LONRF2: variants seen among roughly 807,000 people sequenced by gnomAD.
LONRF2 encodes the protein LON peptidase N-terminal domain and ring finger 2, also known as LON peptidase N-terminal domain and RING finger protein 2.
A neutral mutation model predicts 66.6 loss-of-function variants in LONRF2; 35 were observed. The observed-to-expected ratio is 0.53, with a 90% confidence interval of 0.40 to 0.70. LONRF2 has a LOEUF of 0.70. Among genes scored for constraint, LONRF2 ranks in the 30% least tolerant of loss-of-function variants. The pLI is 0.00. For missense variants in LONRF2, 902 were observed against 1,002.1 expected (o/e 0.90, Z 1.35); for synonymous variants, 417 against 418.1 (o/e 1.00, Z 0.03).
intron 2 of LONRF2, among the ~76,000 whole-genome samples, chr2:100,306,498 G>C (rs1346352408): frequency 6.6e-6 from 1 of 152,128 alleles, no homozygotes; most frequent in Non-Finnish European, 1.5e-5. Flanking sequence ...AGTCTTATAA[G>C]TTCGCTGTTT....
At position 100,284,177 on chromosome 2, in the gene LONRF2, G is replaced by A. The variant is rs1043192778; in HGVS notation, c.*121C>T. On this transcript the variant is annotated 3_prime_UTR_variant, in exon 12 of 12. Transcript: ENST00000393437. ...GAGGAGGACTCAATGTTTGGCAAGC[G>A]TCCCATTTTGGAACCTCATCCACAA... 29 of 860,812 alleles carry A rather than the reference G, an allele frequency of 3.4e-5. No homozygotes were observed. The highest frequency in any genetic ancestry group is 1.4e-4 in the African/African-American group (8 of 57,598). 53.3% of individuals were successfully genotyped at this position (860,812 alleles called of 1,614,324 possible). A position where few individuals can be genotyped will look rare whatever the true frequency, so the allele number is the denominator to read the frequency against.
At position 100,309,194 on chromosome 2, in the gene LONRF2, C is replaced by T. The variant is rs1247880063; in HGVS notation, c.711G>A (p.Arg237=). ...APDDNSLLLL[R]AELYLTMKNY... Reference sequence around the variant, plus strand: ...TCTTCATGGTCAAATATAACTCCGCCCGCAGCAGCAATAATGAATTATCAT... The same window carrying T: ...TCTTCATGGTCAAATATAACTCCGCTCGCAGCAGCAATAATGAATTATCAT... The change falls in exon 2 of 12, where the codon CGG becomes CGA. Residue 237 remains arginine (R), a synonymous_variant. Coordinates refer to ENST00000393437, the MANE Select transcript of LONRF2 (RefSeq NM_198461.4). 1 of 1,608,460 alleles carries T rather than the reference C, an allele frequency of 6.2e-7. No individual in the cohort carries two copies. Among genetic ancestry groups the T allele is most frequent in the Admixed American group, 1.7e-5 (1 of 58,338 alleles).
At chr2:100,315,668 CAGGATT>C (rs1333574187) in intron 1 of LONRF2, among the ~76,000 whole-genome samples, 5 of 151,994 alleles carry the variant, frequency 3.3e-5, no homozygotes, top group African/African-American at 1.2e-4. Context: ...CTTGATTTTC[CAGGATT>C]AAACAAAACT....
In LONRF2 at chr2:100,272,656, T is replaced by C. The variant is rs1674524392; in HGVS notation, c.*11642A>G. On this transcript the variant is annotated 3_prime_UTR_variant, in exon 12 of 12. Transcript: ENST00000393437. ...GTAGAGTGTTATGCTGTTTTAAATA[T>C]TGTAATTTATGCCTCTAAAAATTCC... Among the ~76,000 whole-genome samples the C allele has an allele frequency of 6.6e-6, 1 of 152,230 alleles. No homozygotes were observed. Among genetic ancestry groups the C allele is most frequent in the Non-Finnish European group, 1.5e-5 (1 of 68,036 alleles).
At chr2:100,312,311 T>A (rs1449472832) in intron 1 of LONRF2, among the ~76,000 whole-genome samples, 1 of 152,204 alleles carries the variant, frequency 6.6e-6, no homozygotes, top group Non-Finnish European at 1.5e-5. Flanking sequence ...TGATGCTTCT[T>A]TATTCCTTAT....
At position 100,273,260 on chromosome 2, in the gene LONRF2, C is replaced by T. The variant is rs1674533816; in HGVS notation, c.*11038G>A. 2 of 152,222 alleles carry T rather than the reference C, an allele frequency of 1.3e-5. No homozygotes were observed. Among genetic ancestry groups the T allele is most frequent in the Non-Finnish European group, 2.9e-5 (2 of 68,046 alleles). 9.4% of individuals were successfully genotyped at this position (152,222 alleles called of 1,614,324 possible). On this transcript the variant is annotated 3_prime_UTR_variant, in exon 12 of 12. Transcript: ENST00000393437. The stretch of plus-strand genomic sequence containing the variant: ...AGAGAAAGCCCGGCCCTACTGGCAC[C>T]TTGGCTTTGGATTTCTAATGTCCAG...
chr2:100,284,580 G>A (rs776921292), intron 11 of LONRF2, 88 bp from the exon 12 acceptor site: 19 of 1,121,404 alleles, frequency 1.7e-5, no homozygotes, highest in African/African-American at 3.2e-5. Flanking sequence ...CAACAGACAC[G>A]TGAGCAAGAA....
Position 100,277,396 on chromosome 2 carries a change from A to G in LONRF2, c.*6902T>C, listed in dbSNP as rs1291606355. The G allele has an allele frequency of 6.6e-6, 1 of 152,270 alleles. No homozygotes were observed. Among genetic ancestry groups the G allele is most frequent in the Non-Finnish European group, 1.5e-5 (1 of 68,142 alleles). The allele number at this position is 152,270 out of a possible 1,614,324, so 9.4% of individuals were successfully genotyped here. A position where few individuals can be genotyped will look rare whatever the true frequency, so the allele number is the denominator to read the frequency against. On this transcript the variant is annotated 3_prime_UTR_variant, in exon 12 of 12. Coordinates refer to ENST00000393437, the MANE Select transcript of LONRF2 (RefSeq NM_198461.4). ...CTAGGACCCCAATCTCCAACTGTCCATTATAAACACCTGACAAGCTCAGCA... is the reference window on the plus strand; with the variant it reads ...CTAGGACCCCAATCTCCAACTGTCCGTTATAAACACCTGACAAGCTCAGCA...
In LONRF2 at chr2:100,276,940, C is replaced by T. The variant is rs1261268827; in HGVS notation, c.*7358G>A. The T allele has an allele frequency of 2.0e-5, 3 of 152,260 alleles. No homozygotes were observed. The highest frequency in any genetic ancestry group is 2.9e-5 in the Non-Finnish European group (2 of 68,058). The allele number at this position is 152,260 out of a possible 1,614,324, so 9.4% of individuals were successfully genotyped here. A position where few individuals can be genotyped will look rare whatever the true frequency, so the allele number is the denominator to read the frequency against. Reference sequence around the variant, plus strand: ...CAGACAGGGTCTTCACCACATCCGCCTTCTCCAGGAGCACAAATGAGGAAA... The same window carrying T: ...CAGACAGGGTCTTCACCACATCCGCTTTCTCCAGGAGCACAAATGAGGAAA... On this transcript the variant is annotated 3_prime_UTR_variant, in exon 12 of 12. Transcript: ENST00000393437.
intron 7 of LONRF2, among the ~76,000 whole-genome samples, chr2:100,298,422 A>G (rs1256616920): frequency 6.6e-6 from 1 of 152,206 alleles, no homozygotes; most frequent in Non-Finnish European, 1.5e-5. Flanking sequence ...ATAATAACTG[A>G]CAACTGTAAA....
intron 2 of LONRF2, among the ~76,000 whole-genome samples, chr2:100,303,375 C>T (rs1384622636): frequency 6.6e-6 from 1 of 152,208 alleles, no homozygotes; most frequent in African/African-American, 2.4e-5. Flanking sequence ...TTACCATCTT[C>T]CTGGCTTCCA....
At chr2:100,304,625 G>GTTTTT (rs3039612) in intron 2 of LONRF2, among the ~76,000 whole-genome samples, 5,385 of 121,910 alleles carry the variant, frequency 0.044, 649 homozygotes, top group African/African-American at 0.15. Context: ...TTAGTTGACT[G>GTTTTT]TTTTTTTTTT....
intron 4 of LONRF2, 146 bp from the exon 5 acceptor site, chr2:100,300,064 T>C (rs760382426): frequency 1.7e-6 from 1 of 601,860 alleles, no homozygotes; most frequent in Non-Finnish European, 2.9e-6. Context: ...CATCTGTTAA[T>C]TTCTAAGATG....
In LONRF2 at chr2:100,279,795, A is replaced by G. The variant is rs1573105037; in HGVS notation, c.*4503T>C. The G allele has an allele frequency of 1.3e-5, 2 of 152,166 alleles. No individual in the cohort carries two copies. The highest frequency in any genetic ancestry group is 2.9e-5 in the Non-Finnish European group (2 of 68,064). The allele number at this position is 152,166 out of a possible 1,614,324, so 9.4% of individuals were successfully genotyped here. A position where few individuals can be genotyped will look rare whatever the true frequency, so the allele number is the denominator to read the frequency against. On this transcript the variant is annotated 3_prime_UTR_variant, in exon 12 of 12. Coordinates refer to ENST00000393437, the MANE Select transcript of LONRF2 (RefSeq NM_198461.4). ...GCTAGAGACCACCTGTATAGCCTAG[A>G]GTCTGAGCTGTTATTCAGACCAGCC... is the stretch of plus-strand genomic sequence containing the variant.
chr2:100,302,033 T>C (rs1380673621), intron 3 of LONRF2, among the ~76,000 whole-genome samples: 2 of 152,232 alleles, frequency 1.3e-5, no homozygotes, highest in Non-Finnish European at 2.9e-5. Flanking sequence ...CTGAAGTTCT[T>C]ACTTTTAAAA....
In LONRF2 at chr2:100,277,737, C is replaced by T. The variant is rs185578807; in HGVS notation, c.*6561G>A. ...GGCCAAAGTTAGGCAGTCGTCTTAA[C>T]GCTGGATGCCCTGGTCAGCACAGCG... On this transcript the variant is annotated 3_prime_UTR_variant, in exon 12 of 12. Transcript: ENST00000393437. 6 of 152,312 alleles carry T rather than the reference C, an allele frequency of 3.9e-5. No homozygotes were observed. The highest frequency in any genetic ancestry group is 1.9e-4 in the East Asian group (1 of 5,184). 9.4% of individuals were successfully genotyped at this position (152,312 alleles called of 1,614,324 possible). A position where few individuals can be genotyped will look rare whatever the true frequency, so the allele number is the denominator to read the frequency against.
rs1675631266 is a variant in LONRF2 at position 100,321,670 on chromosome 2, C to G, written c.424G>C (p.Gly142Arg). The change falls in exon 1 of 12, where the codon GGC becomes CGC. Residue 142 changes from glycine to arginine, a missense_variant. Around this residue, in one of 2 missense-constraint regions of LONRF2, gnomAD observed 585 missense variants for 569.9 expected, o/e 1.03. Transcript: ENST00000393437. ...AGCAGCCGCCGGCAGCGCGGGCAGC[C>G]GAGCAGGTCGCGGGGCGCGCGGGGC... ...PEPRAPRDLLGCPRCRRLLHK... is the reference protein window; with the variant it reads ...PEPRAPRDLLRCPRCRRLLHK... 4.5e-6 allele frequency: 6 copies of G among 1,335,706 alleles called. No homozygotes were observed. Among genetic ancestry groups the G allele is most frequent in the Admixed American group, 3.6e-5 (1 of 28,140 alleles). The allele number at this position is 1,335,706 out of a possible 1,614,324, so 82.7% of individuals were successfully genotyped here.
At position 100,287,288 on chromosome 2, in the gene LONRF2, A is replaced by T. The variant is rs17023895; in HGVS notation, c.1921-225T>A. On this transcript the variant is annotated intron_variant, in intron 10 of 11. Coordinates refer to ENST00000393437, the MANE Select transcript of LONRF2 (RefSeq NM_198461.4). ...TTTCTCTTAATACCATAATATAAGC[A>T]CATTTCCTGTAATTTTGAATAATGT... is the stretch of plus-strand genomic sequence containing the variant. 6.0e-3 allele frequency among the ~76,000 whole-genome samples: 909 copies of T among 152,328 alleles called. 11 individuals carry two copies. The highest frequency in any genetic ancestry group is 0.021 in the African/African-American group (875 of 41,562).
chr2:100,293,334 G>A (rs112437565), intron 9 of LONRF2, among the ~76,000 whole-genome samples: 1 of 152,172 alleles, frequency 6.6e-6, no homozygotes, highest in East Asian at 1.9e-4. Flanking sequence ...TCTGTCCCTA[G>A]ATATTTATGG....
Sources: gnomAD v4.1 joint callset for allele counts (sites outside exome capture counted in the v4.1 genomes callset) on GRCh38, gnomAD v4.1.1 for gene constraint, gnomAD v4.1.1 regional missense constraint, MANE v1.5 for transcripts, NCBI Gene and HGNC (gene_info 2026-07-23, HGNC 2026-07-21) for gene names.